Variants in CDK15 observed in about 807,000 individuals in gnomAD.
CDK15 encodes cyclin dependent kinase 15.
Under a neutral mutation model 60.3 loss-of-function variants are expected in CDK15, and 62 were observed. That is an observed-to-expected ratio of 1.03 (90% CI 0.84 to 1.27). CDK15 has a LOEUF of 1.27. CDK15 is among the 50% of genes most tolerant of loss of function. The pLI, the probability that CDK15 is intolerant of heterozygous loss-of-function variation, is 0.00. For missense variants in CDK15, 541 were observed against 527.8 expected, an observed-to-expected ratio of 1.03 and a Z score of -0.25; for synonymous variants, 194 against 195.7, an observed-to-expected ratio of 0.99 and a Z score of 0.07.
intron 10 of CDK15, among the ~76,000 whole-genome samples, chr2:201,865,239 A>G (rs1698573146): frequency 6.6e-6 from 1 of 152,180 alleles, no homozygotes. Flanking sequence ...CATTAAATAC[A>G]ACACTCACTG....
At chr2:201,860,812 T>A (rs761037367) in intron 10 of CDK15, 1 of 1,352,180 alleles carries the variant, frequency 7.4e-7, no homozygotes, top group Non-Finnish European at 9.8e-7. Context: ...GCAGCCTTGT[T>A]CTAGGAATGT....
chr2:201,811,023 A>G (rs1008085137), intron 3 of CDK15, among the ~76,000 whole-genome samples: 6 of 149,588 alleles, frequency 4.0e-5, no homozygotes, highest in African/African-American at 1.5e-4. Context: ...TTTGTATTTT[A>G]GTAGAGACGG....
At chr2:201,854,598 A>G (rs189328122) in intron 9 of CDK15, among the ~76,000 whole-genome samples, 4 of 152,352 alleles carry the variant, frequency 2.6e-5, no homozygotes, top group Non-Finnish European at 4.4e-5. Context: ...TGAGAACATG[A>G]CTTTGAGCAA....
At chr2:201,887,098 A>G (rs1443356708) in intron 12 of CDK15, among the ~76,000 whole-genome samples, 2 of 152,244 alleles carry the variant, frequency 1.3e-5, no homozygotes, top group African/African-American at 2.4e-5. Context: ...TTTAAATAAA[A>G]AGAAGCAATG....
chr2:201,872,672 G>T (rs763693201), intron 11 of CDK15, among the ~76,000 whole-genome samples: 1 of 151,302 alleles, frequency 6.6e-6, no homozygotes, highest in East Asian at 1.9e-4. Context: ...CTATTGGAGG[G>T]GGGGCAACTT....
chr2:201,842,956 A>T (rs1344026336), intron 8 of CDK15, among the ~76,000 whole-genome samples: 1 of 152,206 alleles, frequency 6.6e-6, no homozygotes, highest in Non-Finnish European at 1.5e-5. Context: ...TATGTAGGGT[A>T]AGAGGAGCCC....
chr2:201,832,048 ATT>A (rs60328652), intron 6 of CDK15, among the ~76,000 whole-genome samples: 4 of 142,592 alleles, frequency 2.8e-5, no homozygotes, highest in African/African-American at 2.6e-5. Context: ...ATTGAAAAAC[ATT>A]TTTTTTTTTT....
intron 10 of CDK15, chr2:201,861,089 G>T: frequency 9.4e-7 from 1 of 1,064,430 alleles, no homozygotes; most frequent in Non-Finnish European, 1.1e-6. Flanking sequence ...TGATAAAAGA[G>T]GCTTTAACTG....
chr2:201,839,969 TTTTTTTGTTTTTG>T (rs941364223), intron 8 of CDK15, among the ~76,000 whole-genome samples: 4 of 143,226 alleles, frequency 2.8e-5, no homozygotes, highest in South Asian at 2.5e-4. Context: ...GCTGGGGTTT[TTTTTTTGTTTTTG>T]TTTTTGTTTT....
Position 201,812,504 on chromosome 2 carries a change from T to C in CDK15, c.390T>C (p.Ala130=). The C allele has an allele frequency of 6.2e-7, 1 of 1,613,132 alleles. No homozygotes were observed. The highest frequency in any genetic ancestry group is 1.3e-5 in the African/African-American group (1 of 75,018). The change falls in exon 4 of 14, where the codon GCT becomes GCC. Residue 130 remains alanine (A), a synonymous_variant. Transcript: ENST00000652192. ...CTAGAATAAATGGACAACTAGTGGCTTTAAAAGTCATCAGCATGAATGCAG... is the reference window on the plus strand; with the variant it reads ...CTAGAATAAATGGACAACTAGTGGCCTTAAAAGTCATCAGCATGAATGCAG... ...GISRINGQLV[A]LKVISMNAEE... is the part of the protein sequence containing the mutation.
intron 10 of CDK15, among the ~76,000 whole-genome samples, chr2:201,863,561 C>T (rs1698485886): frequency 6.6e-6 from 1 of 152,082 alleles, no homozygotes; most frequent in African/African-American, 2.4e-5. Flanking sequence ...CTGTAAAACA[C>T]AGAGCTGGGG....
chr2:201,884,524 T>C (rs936872434), intron 12 of CDK15, among the ~76,000 whole-genome samples: 7 of 152,198 alleles, frequency 4.6e-5, no homozygotes, highest in Non-Finnish European at 1.0e-4. Context: ...TCGTGTTTTG[T>C]TTTGGTTCAA....
At chr2:201,828,323 A>G (rs1696599135) in intron 6 of CDK15, among the ~76,000 whole-genome samples, 1 of 152,102 alleles carries the variant, frequency 6.6e-6, no homozygotes, top group African/African-American at 2.4e-5. Context: ...AGGCAACCAA[A>G]AGAGCAAATA....
intron 11 of CDK15, among the ~76,000 whole-genome samples, chr2:201,879,493 C>G (rs912931981): frequency 1.3e-5 from 2 of 152,156 alleles, no homozygotes; most frequent in South Asian, 2.1e-4. Flanking sequence ...GATTGTCATG[C>G]CTCAGCCTCC....
chr2:201,806,544 T>C lies in CDK15; in HGVS notation c.-121T>C, dbSNP rs1236885137. 15 of 1,168,096 alleles carry C rather than the reference T, an allele frequency of 1.3e-5. No individual in the cohort carries two copies. The highest frequency in any genetic ancestry group is 1.7e-5 in the Non-Finnish European group (15 of 875,300). 72.4% of individuals were successfully genotyped at this position (1,168,096 alleles called of 1,614,324 possible). A position where few individuals can be genotyped will look rare whatever the true frequency, so the allele number is the denominator to read the frequency against. On this transcript the variant is annotated 5_prime_UTR_variant, in exon 1 of 14. Coordinates refer to ENST00000652192, the MANE Select transcript of CDK15 (RefSeq NM_001366386.2). ...TGTGAGGCTGCTCCAGGCAGAGCCA[T>C]CATGTGAGTCATATGAAAGCTCCAC...
At position 201,826,458 on chromosome 2, in the gene CDK15, C is replaced by CA. The variant is rs373198183; in HGVS notation, c.606+2754dup. Among the ~76,000 whole-genome samples, 285 of 78,190 alleles carry CA rather than the reference C, an allele frequency of 3.6e-3. 47 individuals carry two copies. Among genetic ancestry groups the CA allele is most frequent in the Middle Eastern group, 0.014 (1 of 72 alleles). The allele number at this position is 78,190 out of a possible 152,430, so 51.3% of individuals were successfully genotyped here. A position where few individuals can be genotyped will look rare whatever the true frequency, so the allele number is the denominator to read the frequency against. On this transcript the variant is annotated intron_variant, in intron 6 of 13. Transcript: ENST00000652192. ...TGGGCGACAGAGTGAGACTGCGTCT[C>CA]AAAAAAAAAAAAAAAAAAAAAAAGT...
rs761901115 is a variant in CDK15, at chr2:201,807,913, G to T, written c.329G>T (p.Gly110Val). 17 of 1,614,164 alleles carry T rather than the reference G, an allele frequency of 1.1e-5. No homozygotes were observed. The highest frequency in any genetic ancestry group is 1.4e-5 in the Non-Finnish European group (17 of 1,180,024). ...TCTTACTTGAACTTGGAGAAGCTGGGTGAAGGCTCTTATGCGACAGTTTAC... is the reference window on the plus strand; with the variant it reads ...TCTTACTTGAACTTGGAGAAGCTGGTTGAAGGCTCTTATGCGACAGTTTAC... Reference protein sequence around the residue: ...ASSYLNLEKLGEGSYATVYKG... With the variant: ...ASSYLNLEKLVEGSYATVYKG... Residue 110 changes from glycine to valine, a missense_variant, in exon 3 of 14, where the codon GGT (glycine) becomes GTT (valine). Coordinates refer to ENST00000652192, the MANE Select transcript of CDK15 (RefSeq NM_001366386.2).
chr2:201,826,393 G>C lies in CDK15; in HGVS notation c.606+2666G>C, dbSNP rs113887022. Among the ~76,000 whole-genome samples, 649 of 129,974 alleles carry C rather than the reference G, an allele frequency of 5.0e-3. 4 individuals are homozygous for C. Among genetic ancestry groups the C allele is most frequent in the African/African-American group, 0.017 (623 of 35,650 alleles). 85.3% of individuals were successfully genotyped at this position (129,974 alleles called of 152,430 possible). On this transcript the variant is annotated intron_variant, in intron 6 of 13. Coordinates refer to ENST00000652192, the MANE Select transcript of CDK15 (RefSeq NM_001366386.2). ...GAGAATGGCGTGAACCCGGGAGGTAGAGTTTGCGTGAGCCGAGATCGCGCC... is the reference window on the plus strand; with the variant it reads ...GAGAATGGCGTGAACCCGGGAGGTACAGTTTGCGTGAGCCGAGATCGCGCC...
At chr2:201,806,986 C>T (rs1005773976) in intron 1 of CDK15, among the ~76,000 whole-genome samples, 199 bp downstream of exon 1, 2 of 152,064 alleles carry the variant, frequency 1.3e-5, no homozygotes, top group East Asian at 3.9e-4. Flanking sequence ...GAAAAATAAT[C>T]CTTGGCTTTG....
Sources: gnomAD v4.1 joint callset for allele counts (sites outside exome capture counted in the v4.1 genomes callset) on GRCh38, gnomAD v4.1.1 for gene constraint, MANE v1.5 for transcripts, NCBI Gene and HGNC (gene_info 2026-07-23, HGNC 2026-07-21) for gene names.